Variants in KLHL36 observed in about 807,000 individuals in gnomAD.
The protein encoded by KLHL36 is kelch like family member 36.
A neutral mutation model predicts 53.3 loss-of-function variants in KLHL36; 35 were observed. The observed-to-expected ratio is 0.66, with a 90% CI of 0.50 to 0.87. The LOEUF is 0.87. Ranked by LOEUF, KLHL36 falls within the 40% of genes least tolerant of loss-of-function variation. KLHL36 has a pLI of 0.00. For synonymous variants in KLHL36, 472 were observed against 398.9 expected, an observed-to-expected ratio of 1.18 and a Z score of -2.18; for missense variants, 864 against 897.6, an observed-to-expected ratio of 0.96 and a Z score of 0.48.
chr16:84,655,638 A>T (rs1907155230), intron 2 of KLHL36, among the ~76,000 whole-genome samples: 1 of 150,234 alleles, frequency 6.7e-6, no homozygotes, highest in South Asian at 2.2e-4. Flanking sequence ...CAGGAGGTCA[A>T]GGGTGCAGTG....
Position 84,657,533 on chromosome 16 carries a change from G to C in KLHL36, c.726G>C (p.Lys242Asn), listed in dbSNP as rs780051267. 2 of 1,610,170 alleles carry C rather than the reference G, an allele frequency of 1.2e-6. No homozygotes were observed. Among genetic ancestry groups the C allele is most frequent in the Non-Finnish European group, 1.7e-6 (2 of 1,179,894 alleles). Reference sequence around the variant, plus strand: ...ACATCCACTTCCCGCTCATCCCCAAGAACGACCTGCTGCACCGCGTCAAGC... The same window carrying C: ...ACATCCACTTCCCGCTCATCCCCAACAACGACCTGCTGCACCGCGTCAAGC... ...LENIHFPLIP[K>N]NDLLHRVKPA... The change falls in exon 3 of 5, where the codon AAG becomes AAC. Residue 242 changes from lysine to asparagine, a missense_variant. By Grantham distance (94) the Lys-to-Asn change is moderately conservative. Transcript: ENST00000564996.
chr16:84,661,877 T>C lies in KLHL36; in HGVS notation c.1595T>C (p.Leu532Pro), dbSNP rs1488862473. 1 of 1,600,774 alleles carries C rather than the reference T, an allele frequency of 6.2e-7. No homozygotes were observed. Reference protein sequence around the residue: ...QCNQWTRVAPLLHANSESGVA... With the variant: ...QCNQWTRVAPPLHANSESGVA... ...AACCAGTGGACCCGCGTGGCGCCGC[T>C]GCTGCACGCCAACAGCGAGTCGGGC... The change falls in exon 5 of 5, where the codon CTG becomes CCG. Residue 532 changes from leucine to proline, a missense_variant. Physicochemically the swap from Leu to Pro is moderately conservative, Grantham distance 98. Coordinates refer to ENST00000564996, the MANE Select transcript of KLHL36 (RefSeq NM_024731.4). This position sits in a 1 kb window ranked among gnomAD's most constrained non-coding sequence, Gnocchi z 7.9.
chr16:84,662,239 T>C lies in KLHL36; in HGVS notation c.*106T>C, dbSNP rs1440303228. ...GAAACATTATGTACAACTTAGCAGC[T>C]TTTTTTACTTTTATGATTCTTGGTA... On this transcript the variant is annotated 3_prime_UTR_variant, in exon 5 of 5. Transcript: ENST00000564996. 4 of 1,000,836 alleles carry C rather than the reference T, an allele frequency of 4.0e-6. No individual in the cohort carries two copies. Among genetic ancestry groups the C allele is most frequent in the African/African-American group, 3.3e-5 (2 of 61,466 alleles). The allele number at this position is 1,000,836 out of a possible 1,614,324, so 62.0% of individuals were successfully genotyped here.
intron 1 of KLHL36, among the ~76,000 whole-genome samples, chr16:84,650,035 G>A (rs1240600465): frequency 7.0e-6 from 1 of 143,110 alleles, no homozygotes; most frequent in Non-Finnish European, 1.5e-5. Context: ...GAGCCAGGCA[G>A]TGTAGCCTAA....
intron 1 of KLHL36, among the ~76,000 whole-genome samples, chr16:84,649,675 G>C (rs3809614): frequency 4.6e-5 from 7 of 152,090 alleles, no homozygotes; most frequent in Admixed American, 6.5e-5. Flanking sequence ...TCTCCCTAGG[G>C]GAGTTGCACG....
At chr16:84,653,067 A>G (rs1026841585) in intron 2 of KLHL36, among the ~76,000 whole-genome samples, 7 of 152,118 alleles carry the variant, frequency 4.6e-5, no homozygotes, top group African/African-American at 1.7e-4. Flanking sequence ...AGATACAAAA[A>G]TTAGCCGAGC....
chr16:84,657,880 A>T lies in KLHL36; in HGVS notation c.1073A>T (p.Asn358Ile). The change falls in exon 3 of 5, where the codon AAC becomes ATC. Residue 358 changes from asparagine (N) to isoleucine (I), a missense_variant. Physicochemically the swap from Asn to Ile is moderately radical, Grantham distance 149. Coordinates refer to ENST00000564996, the MANE Select transcript of KLHL36 (RefSeq NM_024731.4). ...FIAGGSFSRDNGGDAASNLLY... is the reference protein window; with the variant it reads ...FIAGGSFSRDIGGDAASNLLY... ...GCCGGCGGCAGCTTCTCACGGGACA[A>T]CGGAGGGGATGCGGCCTCCAATCTT... The T allele has an allele frequency of 4.4e-6, 7 of 1,574,954 alleles. No individual in the cohort carries two copies. The highest frequency in any genetic ancestry group is 6.0e-6 in the Non-Finnish European group (7 of 1,158,432).
intron 3 of KLHL36, chr16:84,658,594 C>T (rs1907361698): frequency 1.3e-5 from 2 of 152,272 alleles, no homozygotes; most frequent in African/African-American, 4.8e-5. Flanking sequence ...ATTTCAGATT[C>T]TTGTCCTCTC....
rs753196044 is a variant in KLHL36, at chr16:84,662,285, C to G, written c.*152C>G. ...TGGTATTTCTATGATATCACAGTAA[C>G]CAATTAAATACTATCTGTAACTTTA... On this transcript the variant is annotated 3_prime_UTR_variant, in exon 5 of 5. Transcript: ENST00000564996. 1.4e-6 allele frequency: 1 copy of G among 706,290 alleles called. No individual in the cohort carries two copies. The highest frequency in any genetic ancestry group is 1.8e-5 in the African/African-American group (1 of 55,896). The allele number at this position is 706,290 out of a possible 1,614,324, so 43.8% of individuals were successfully genotyped here.
At position 84,657,441 on chromosome 16, in the gene KLHL36, C is replaced by T. The variant is rs1395734449; in HGVS notation, c.634C>T (p.Gln212Ter). 1 of 1,606,142 alleles carries T rather than the reference C, an allele frequency of 6.2e-7. No homozygotes were observed. Residue 212 changes from glutamine to a stop codon, truncating the protein, a stop_gained, in exon 3 of 5, where the codon CAG becomes TAG. Coordinates refer to ENST00000564996, the MANE Select transcript of KLHL36 (RefSeq NM_024731.4). LOFTEE classifies it high-confidence loss of function. ...VQRECEHDLLQAALQWLTQQP... is the reference protein window; with the variant it reads ...VQRECEHDLL ...GCGGGAGTGTGAGCACGACCTCCTG[C>T]AGGCCGCCCTGCAGTGGCTGACGCA...
Position 84,662,295 on chromosome 16 carries a change from A to G in KLHL36, c.*162A>G. Reference sequence around the variant, plus strand: ...ATGATATCACAGTAACCAATTAAATACTATCTGTAACTTTACATATCTTGC... The same window carrying G: ...ATGATATCACAGTAACCAATTAAATGCTATCTGTAACTTTACATATCTTGC... On this transcript the variant is annotated 3_prime_UTR_variant, in exon 5 of 5. Transcript: ENST00000564996. 2 of 658,066 alleles carry G rather than the reference A, an allele frequency of 3.0e-6. No individual in the cohort carries two copies. The highest frequency in any genetic ancestry group is 5.0e-6 in the Non-Finnish European group (2 of 401,976). The allele number at this position is 658,066 out of a possible 1,614,324, so 40.8% of individuals were successfully genotyped here. A position where few individuals can be genotyped will look rare whatever the true frequency, so the allele number is the denominator to read the frequency against.
rs576104500 is a variant in KLHL36, at chr16:84,662,772, A to G, written c.*639A>G. 6.6e-6 allele frequency: 1 copy of G among 152,346 alleles called. No homozygotes were observed. The highest frequency in any genetic ancestry group is 1.5e-5 in the Non-Finnish European group (1 of 68,034). 9.4% of individuals were successfully genotyped at this position (152,346 alleles called of 1,614,324 possible). A position where few individuals can be genotyped will look rare whatever the true frequency, so the allele number is the denominator to read the frequency against. On this transcript the variant is annotated 3_prime_UTR_variant, in exon 5 of 5. Coordinates refer to ENST00000564996, the MANE Select transcript of KLHL36 (RefSeq NM_024731.4). ...GCCACGCAGCTCGCTAGACTGTCAG[A>G]TGAGACATGATGACTTCCCGCTGGG... is the stretch of plus-strand genomic sequence containing the variant.
At chr16:84,654,801 G>T (rs1020378503) in intron 2 of KLHL36, among the ~76,000 whole-genome samples, 1 of 152,068 alleles carries the variant, frequency 6.6e-6, no homozygotes, top group Non-Finnish European at 1.5e-5. Flanking sequence ...CTAGAGACGG[G>T]GTTTCACCAT....
At position 84,666,384 on chromosome 16, in the gene KLHL36, A is replaced by C. The variant is rs1438247815; in HGVS notation, c.*4251A>C. 6.6e-6 allele frequency: 1 copy of C among 152,082 alleles called. No homozygotes were observed. Among genetic ancestry groups the C allele is most frequent in the East Asian group, 1.9e-4 (1 of 5,188 alleles). 9.4% of individuals were successfully genotyped at this position (152,082 alleles called of 1,614,324 possible). A position where few individuals can be genotyped will look rare whatever the true frequency, so the allele number is the denominator to read the frequency against. On this transcript the variant is annotated 3_prime_UTR_variant, in exon 5 of 5. Coordinates refer to ENST00000564996, the MANE Select transcript of KLHL36 (RefSeq NM_024731.4). ...CAGCTCTAGAATTTCGTGAAGTTGC[A>C]TGCAAAGTTGCATGCAGCCCGTGGG... is the stretch of plus-strand genomic sequence containing the variant.
intron 3 of KLHL36, chr16:84,658,370 C>T (rs1217246022): frequency 6.4e-6 from 1 of 155,884 alleles, no homozygotes; most frequent in Non-Finnish European, 1.4e-5. Context: ...TGGACAGTAG[C>T]ATGGGTCTAG....
Position 84,665,538 on chromosome 16 carries a change from T to C in KLHL36, c.*3405T>C, listed in dbSNP as rs889613. On this transcript the variant is annotated 3_prime_UTR_variant, in exon 5 of 5. Coordinates refer to ENST00000564996, the MANE Select transcript of KLHL36 (RefSeq NM_024731.4). ...GTTAGCACGCAATTGGTATTTTTAT[T>C]GTTCTGCCATTTTATTGAGGCTATC... 0.37 allele frequency: 55,844 copies of C among 152,088 alleles called. 10,772 individuals are homozygous for C. The highest frequency in any genetic ancestry group is 0.48 in the African/African-American group (19,998 of 41,476). The allele number at this position is 152,088 out of a possible 1,614,324, so 9.4% of individuals were successfully genotyped here.
intron 2 of KLHL36, among the ~76,000 whole-genome samples, chr16:84,651,634 C>G (rs1218084207): frequency 6.6e-6 from 1 of 152,102 alleles, no homozygotes; most frequent in African/African-American, 2.4e-5. Context: ...TTAGAGGTAT[C>G]CCTTTTGGAG....
Position 84,664,435 on chromosome 16 carries a change from GACTTGTCCCTGGA to G in KLHL36, c.*2304_*2316del, listed in dbSNP as rs753084376. The G allele has an allele frequency of 6.6e-6, 1 of 152,164 alleles. No homozygotes were observed. The highest frequency in any genetic ancestry group is 1.5e-5 in the Non-Finnish European group (1 of 68,038). The allele number at this position is 152,164 out of a possible 1,614,324, so 9.4% of individuals were successfully genotyped here. A position where few individuals can be genotyped will look rare whatever the true frequency, so the allele number is the denominator to read the frequency against. ...CAGCTCTTTTATGTTTTGCTTCTGGGACTTGTCCCTGGAAATGTGTGAGCTTCTGGCCTCTATT... is the reference window on the plus strand; with the variant it reads ...CAGCTCTTTTATGTTTTGCTTCTGGGAATGTGTGAGCTTCTGGCCTCTATT... On this transcript the variant is annotated 3_prime_UTR_variant, in exon 5 of 5. Coordinates refer to ENST00000564996, the MANE Select transcript of KLHL36 (RefSeq NM_024731.4).
At position 84,657,921 on chromosome 16, in the gene KLHL36, C is replaced by A; in HGVS notation, c.1114C>A (p.Pro372Thr). 6.5e-7 allele frequency: 1 copy of A among 1,528,310 alleles called. No individual in the cohort carries two copies. The highest frequency in any genetic ancestry group is 8.8e-7 in the Non-Finnish European group (1 of 1,137,686). 94.7% of individuals were successfully genotyped at this position (1,528,310 alleles called of 1,614,324 possible). Residue 372 changes from proline to threonine, a missense_variant, in exon 3 of 5, where the codon CCC (proline) becomes ACC (threonine). Transcript: ENST00000564996. Reference protein sequence around the residue: ...AASNLLYRYDPRCKQWIKVAS... With the variant: ...AASNLLYRYDTRCKQWIKVAS... ...CTCCAATCTTCTTTATAGGTATGACCCCCGCTGTAAACAGTGGATCAAGGT... is the reference window on the plus strand; with the variant it reads ...CTCCAATCTTCTTTATAGGTATGACACCCGCTGTAAACAGTGGATCAAGGT...
Sources: allele counts gnomAD v4.1 joint callset (sites outside exome capture counted in the v4.1 genomes callset), GRCh38; gene constraint gnomAD v4.1.1; non-coding constraint Gnocchi (gnomAD v3.1); transcripts MANE v1.5; gene names NCBI Gene and HGNC (gene_info 2026-07-23, HGNC 2026-07-21).